Variants in HSPA4L observed in about 807,000 individuals in gnomAD.
The protein encoded by HSPA4L is heat shock protein family A (Hsp70) member 4 like.
Under a neutral mutation model 100.3 loss-of-function variants are expected in HSPA4L, and 48 were observed. The ratio of observed to expected loss-of-function variants is 0.48; its 90% confidence interval spans 0.38 to 0.61. The LOEUF (loss-of-function observed/expected upper bound fraction) is 0.61. HSPA4L is among the 20% of genes least tolerant of loss of function. The pLI is 0.00. For missense variants in HSPA4L, 886 were observed against 988.6 expected (o/e 0.90, Z 1.39); for synonymous variants, 319 against 328.2 (o/e 0.97, Z 0.30).
chr4:127,830,358 C>A (rs1239851391), intron 17 of HSPA4L, among the ~76,000 whole-genome samples: 3 of 152,268 alleles, frequency 2.0e-5, no homozygotes, highest in East Asian at 1.9e-4. Flanking sequence ...TTCCTTGCAA[C>A]TTCTTCCTTG....
At chr4:127,816,874 T>C (rs1733682616) in intron 12 of HSPA4L, among the ~76,000 whole-genome samples, 1 of 152,204 alleles carries the variant, frequency 6.6e-6, no homozygotes, top group South Asian at 2.1e-4. Context: ...ATATAAACAA[T>C]AGAAGAGCTC....
chr4:127,827,158 T>C, intron 16 of HSPA4L, 147 bp from the exon 17 acceptor site: 1 of 609,480 alleles, frequency 1.6e-6, no homozygotes. Flanking sequence ...GTAGCTACTG[T>C]AACTTGCTTC....
chr4:127,832,256 G>A (rs7690952), intron 18 of HSPA4L, among the ~76,000 whole-genome samples: 3 of 152,056 alleles, frequency 2.0e-5, no homozygotes, highest in Non-Finnish European at 4.4e-5. Context: ...TGTCGTTTGT[G>A]TATGTATTTG....
At position 127,782,603 on chromosome 4, in the gene HSPA4L, C is replaced by T; in HGVS notation, c.53C>T (p.Ala18Val). 12 of 1,614,000 alleles carry T rather than the reference C, an allele frequency of 7.4e-6. No individual in the cohort carries two copies. The highest frequency in any genetic ancestry group is 9.3e-6 in the Non-Finnish European group (11 of 1,179,968). The change falls in exon 1 of 19, where the codon GCG becomes GTG. Residue 18 changes from alanine (A) to valine (V), a missense_variant. By Grantham distance (64) the Ala-to-Val change is moderately conservative. Coordinates refer to ENST00000296464, the MANE Select transcript of HSPA4L (RefSeq NM_014278.4). ...LGFLNCYIAVARSGGIETIAN... is the reference protein window; with the variant it reads ...LGFLNCYIAVVRSGGIETIAN... ...TTTCTCAACTGCTACATTGCTGTCG[C>T]GAGAAGTGGCGGCATCGAGACCATC...
chr4:127,831,673 C>A (rs563977990), intron 18 of HSPA4L, among the ~76,000 whole-genome samples: 1 of 151,940 alleles, frequency 6.6e-6, no homozygotes, highest in Admixed American at 6.5e-5. Context: ...AATTACAGAA[C>A]CTAAATGTAT....
intron 12 of HSPA4L, among the ~76,000 whole-genome samples, chr4:127,816,977 C>T (rs1733685498): frequency 6.6e-6 from 1 of 152,100 alleles, no homozygotes; most frequent in Non-Finnish European, 1.5e-5. Context: ...AATAACTCAA[C>T]ACTTTATCAC....
chr4:127,805,221 A>G lies in HSPA4L; in HGVS notation c.1134A>G (p.Leu378=), dbSNP rs775056009. The change falls in exon 9 of 19, where the codon TTA becomes TTG. Residue 378 remains leucine (L), a synonymous_variant. Transcript: ENST00000296464. The part of the protein sequence containing the change: ...ADEAVARGCA[L]QCAILSPAFK... ...AAGCTGTTGCAAGAGGATGTGCGTT[A>G]CAGGTATAATTGTTATTTTATTTTT... 1.9e-6 allele frequency: 3 copies of G among 1,604,344 alleles called. No individual in the cohort carries two copies. Among genetic ancestry groups the G allele is most frequent in the African/African-American group, 2.7e-5 (2 of 74,320 alleles).
At chr4:127,797,537 C>T (rs977648370) in intron 3 of HSPA4L, among the ~76,000 whole-genome samples, 1 of 151,876 alleles carries the variant, frequency 6.6e-6, no homozygotes, top group Admixed American at 6.6e-5. Flanking sequence ...TTCAACTCCT[C>T]AAGCATGTTA....
chr4:127,798,994 T>C (rs1411514385), intron 4 of HSPA4L, among the ~76,000 whole-genome samples: 2 of 152,148 alleles, frequency 1.3e-5, no homozygotes, highest in Non-Finnish European at 2.9e-5. Context: ...AGCAATTAAC[T>C]TCCCACCTGT....
intron 4 of HSPA4L, among the ~76,000 whole-genome samples, chr4:127,800,611 T>C (rs1733149262): frequency 6.6e-6 from 1 of 152,220 alleles, no homozygotes; most frequent in African/African-American, 2.4e-5. Context: ...CTTTGAAATA[T>C]AATTGTTTTA....
intron 17 of HSPA4L, among the ~76,000 whole-genome samples, chr4:127,827,951 A>G (rs1733989352): frequency 6.6e-6 from 1 of 152,176 alleles, no homozygotes; most frequent in African/African-American, 2.4e-5. Flanking sequence ...GTAGTTATAC[A>G]GATGATACTT....
chr4:127,805,766 G>A lies in HSPA4L; in HGVS notation c.1217G>A (p.Trp406Ter), dbSNP rs1733338588. ...DLVPYSITLR[W>*]KTSFEDGSGE... ...GTTCCCTATTCAATCACATTAAGGT[G>A]GAAGACCTCTTTTGAAGATGGAAGT... Residue 406 changes from tryptophan (W) to a stop codon, truncating the protein, a stop_gained, in exon 10 of 19, where the codon TGG (tryptophan) becomes TAG (stop). Transcript: ENST00000296464. LOFTEE classifies it high-confidence loss of function. The A allele has an allele frequency of 6.2e-7, 1 of 1,608,862 alleles. No homozygotes were observed. The highest frequency in any genetic ancestry group is 2.2e-5 in the East Asian group (1 of 44,712).
intron 14 of HSPA4L, 81 bp downstream of exon 14, chr4:127,820,646 T>G (rs1578717733): frequency 3.0e-6 from 4 of 1,333,678 alleles, no homozygotes; most frequent in Non-Finnish European, 4.2e-6. Flanking sequence ...TCTCCAAAAT[T>G]TAGGGCACTA....
chr4:127,784,510 C>G (rs1011658718), intron 1 of HSPA4L, among the ~76,000 whole-genome samples: 12 of 152,136 alleles, frequency 7.9e-5, no homozygotes, highest in Non-Finnish European at 1.6e-4. Context: ...TGCTAGAAAG[C>G]CAATAGTAAT....
At chr4:127,783,405 A>C (rs2148772083) in intron 1 of HSPA4L, 3 of 1,013,260 alleles carry the variant, frequency 3.0e-6, no homozygotes, top group South Asian at 4.5e-5. Context: ...CTGCAGAGTG[A>C]ATTGCCGGAG....
chr4:127,826,323 G>A lies in HSPA4L; in HGVS notation c.2047-982G>A, dbSNP rs562036345. Among the ~76,000 whole-genome samples the A allele has an allele frequency of 4.6e-5, 7 of 152,102 alleles. No individual in the cohort carries two copies. In the South Asian group the frequency reaches 1.5e-3, roughly 32 times the overall value. On this transcript the variant is annotated intron_variant, in intron 16 of 18. Transcript: ENST00000296464. Reference sequence around the variant, plus strand: ...AGGCTGAGGCAGAAGGATCACTTGAGCCCAGGAATTTGAGGCTGCAGTAAG... The same window carrying A: ...AGGCTGAGGCAGAAGGATCACTTGAACCCAGGAATTTGAGGCTGCAGTAAG...
intron 3 of HSPA4L, 108 bp from the exon 4 acceptor site, chr4:127,798,478 AG>A (rs1264587104): frequency 9.7e-6 from 10 of 1,029,532 alleles, no homozygotes; most frequent in Non-Finnish European, 1.4e-5. Context: ...TCCTTGAGCA[AG>A]GGTGTCTTTT....
chr4:127,786,878 G>A (rs1732732569), intron 1 of HSPA4L, among the ~76,000 whole-genome samples: 1 of 152,174 alleles, frequency 6.6e-6, no homozygotes, highest in African/African-American at 2.4e-5. Context: ...AAAAAGTAGT[G>A]TGGAAGACAA....
chr4:127,832,872 TAA>T lies in HSPA4L; in HGVS notation c.2519_2520del (p.Ter840CysfsTer33). On this transcript the variant is annotated frameshift_variant and stop_lost, in exon 19 of 19. Coordinates refer to ENST00000296464, the MANE Select transcript of HSPA4L (RefSeq NM_014278.4). LOFTEE classifies it high-confidence loss of function. ...ATCCTCTGGAGAGATGGAAGTGGAC[TAA>T]GTCTTAATTTTACCTTCACATTAAT... Reference protein sequence around the residue: ...TKSSGEMEVD* With the variant: ...TKSSGEMEVDX 1 of 1,593,070 alleles carries T rather than the reference TAA, an allele frequency of 6.3e-7. No homozygotes were observed. Among genetic ancestry groups the T allele is most frequent in the Non-Finnish European group, 8.5e-7 (1 of 1,170,634 alleles).
Sources: allele counts gnomAD v4.1 joint callset (sites outside exome capture counted in the v4.1 genomes callset), GRCh38; gene constraint gnomAD v4.1.1; transcripts MANE v1.5; gene names NCBI Gene and HGNC (gene_info 2026-07-23, HGNC 2026-07-21).